Variants in PALB2 observed in about 807,000 individuals in gnomAD.
PALB2 encodes mutant partner and localizer of BRCA2.
PALB2 carries 82 observed loss-of-function variants against 107.4 expected under a neutral mutation model. The observed-to-expected ratio is 0.76, with a 90% CI of 0.64 to 0.92. The LOEUF is 0.92. Among genes scored for constraint, PALB2 ranks in the 40% least tolerant of loss-of-function variants. The pLI is 0.00. For missense variants in PALB2, 1,374 were observed against 1,379.9 expected, an observed-to-expected ratio of 1.00 and a Z score of 0.07; for synonymous variants, 489 against 496.8, an observed-to-expected ratio of 0.98 and a Z score of 0.21.
rs1567224137 is a variant in PALB2 at position 23,638,065 on chromosome 16, C to T, written c.108+5G>A. 6.2e-7 allele frequency: 1 copy of T among 1,613,500 alleles called. No individual in the cohort carries two copies. The highest frequency in any genetic ancestry group is 8.5e-7 in the Non-Finnish European group (1 of 1,179,398). ...CACCTTAATTTGAGAATACGATTCA[C>T]TTACCTGAAGGCGGGCTAGTGTCTT... is the stretch of plus-strand genomic sequence containing the variant. On this transcript the variant is annotated splice_donor_5th_base_variant and intron_variant, in intron 2 of 12. Transcript: ENST00000261584.
intron 11 of PALB2, among the ~76,000 whole-genome samples, chr16:23,611,090 A>G (rs1001566453): frequency 2.1e-5 from 3 of 143,632 alleles, no homozygotes; most frequent in Non-Finnish European, 4.5e-5. Context: ...CTATCTATCT[A>G]TCTATCTATC....
rs753204710 is a variant in PALB2 at position 23,629,729 on chromosome 16, T to C, written c.2425A>G (p.Thr809Ala). ...GTGAATGACTCAATGGGTGGAGGTG[T>C]TCCTGGCGGGACAGAGTCACAGTCA... ...TCDCDSVPPGTPPPIESFTFK... is the reference protein window; with the variant it reads ...TCDCDSVPPGAPPPIESFTFK... Residue 809 changes from threonine to alanine, a missense_variant, in exon 5 of 13, where the codon ACA becomes GCA. Transcript: ENST00000261584. 1 of 1,614,230 alleles carries C rather than the reference T, an allele frequency of 6.2e-7. No homozygotes were observed. Among genetic ancestry groups the C allele is most frequent in the Non-Finnish European group, 8.5e-7 (1 of 1,180,046 alleles).
chr16:23,623,504 T>C (rs1428782800), intron 8 of PALB2, among the ~76,000 whole-genome samples: 2 of 64,322 alleles, frequency 3.1e-5, no homozygotes, highest in South Asian at 6.4e-4. Context: ...ACCCGGCCTT[T>C]TTTTTTTTTT....
chr16:23,609,797 T>G (rs1436339148), intron 11 of PALB2, among the ~76,000 whole-genome samples: 1 of 152,100 alleles, frequency 6.6e-6, no homozygotes, highest in Non-Finnish European at 1.5e-5. Flanking sequence ...ATTACAGGCG[T>G]GAGCCACCGC....
chr16:23,607,039 G>T (rs1966489633), intron 12 of PALB2, among the ~76,000 whole-genome samples: 2 of 151,874 alleles, frequency 1.3e-5, no homozygotes, highest in African/African-American at 4.8e-5. Flanking sequence ...GTGAACTCCT[G>T]ACCTCATGAT....
intron 10 of PALB2, among the ~76,000 whole-genome samples, chr16:23,619,451 G>A (rs952030449): frequency 3.0e-4 from 46 of 151,908 alleles, no homozygotes; most frequent in African/African-American, 1.1e-3. Context: ...AGGTTCCAGC[G>A]ATTCTCCTGC....
In PALB2 at chr16:23,635,659, AT is replaced by A. The variant is rs587776408; in HGVS notation, c.886del (p.Met296Ter). ...AAGGAGGTTATCTGTAGAGACAGTC[AT>A]TTTTTTGCCTTGTGCCTCCAAACTT... ...PVSLEAQGKKMTVSTDNLLVN... is the reference protein window; with the variant it reads ...PVSLEAQGKKXTVSTDNLLVN... On this transcript the variant is annotated frameshift_variant, in exon 4 of 13. Coordinates refer to ENST00000261584, the MANE Select transcript of PALB2 (RefSeq NM_024675.4). LOFTEE classifies it high-confidence loss of function. The A allele has an allele frequency of 2.5e-6, 4 of 1,613,998 alleles. No homozygotes were observed. Among genetic ancestry groups the A allele is most frequent in the Non-Finnish European group, 3.4e-6 (4 of 1,179,946 alleles).
chr16:23,628,388 G>T (rs750740844), intron 6 of PALB2, among the ~76,000 whole-genome samples: 3 of 152,156 alleles, frequency 2.0e-5, no homozygotes, highest in Non-Finnish European at 4.4e-5. Context: ...ACTTTATGTG[G>T]ATTTGAAGTG....
intron 6 of PALB2, among the ~76,000 whole-genome samples, chr16:23,626,862 C>T (rs916373569): frequency 6.6e-6 from 1 of 151,988 alleles, no homozygotes; most frequent in Non-Finnish European, 1.5e-5. Flanking sequence ...CTCAAGTGAT[C>T]CACCCACCTC....
At chr16:23,624,382 AT>A (rs1966831605) in intron 7 of PALB2, among the ~76,000 whole-genome samples, 1 of 152,248 alleles carries the variant, frequency 6.6e-6, no homozygotes, top group Non-Finnish European at 1.5e-5. Context: ...TTATGCAGCC[AT>A]TTAAAAGTAT....
intron 1 of PALB2, among the ~76,000 whole-genome samples, chr16:23,639,222 C>CT (rs1187876072): frequency 5.3e-5 from 8 of 151,956 alleles, no homozygotes; most frequent in Non-Finnish European, 1.0e-4. Context: ...CCATACATGC[C>CT]TTTTTTAAAA....
chr16:23,624,232 C>G (rs1018244137), intron 7 of PALB2, 138 bp from the exon 8 acceptor site: 1 of 675,534 alleles, frequency 1.5e-6, no homozygotes, highest in Non-Finnish European at 2.7e-6. Context: ...TCAGAAAACT[C>G]TTTTTATTAG....
intron 4 of PALB2, among the ~76,000 whole-genome samples, chr16:23,632,783 A>G (rs1286066403): frequency 6.6e-6 from 1 of 152,220 alleles, no homozygotes; most frequent in African/African-American, 2.4e-5. Flanking sequence ...GCAGTTTACT[A>G]CAATTATAGC....
chr16:23,618,865 G>A (rs1966726534), intron 10 of PALB2, among the ~76,000 whole-genome samples: 1 of 152,152 alleles, frequency 6.6e-6, no homozygotes, highest in Non-Finnish European at 1.5e-5. Context: ...AAACCCTGGT[G>A]AAAGTGCTCC....
chr16:23,631,907 C>T (rs145412221), intron 4 of PALB2, among the ~76,000 whole-genome samples: 4,490 of 152,140 alleles, frequency 0.03, 108 homozygotes, highest in Middle Eastern at 0.061. Flanking sequence ...AGTGCAGTGG[C>T]GAGATCTTGG....
intron 7 of PALB2, among the ~76,000 whole-genome samples, chr16:23,624,821 T>G (rs538110666): frequency 6.6e-6 from 1 of 152,244 alleles, no homozygotes; most frequent in African/African-American, 2.4e-5. Context: ...AGAAAAATGT[T>G]TATATGTATG....
chr16:23,609,580 C>T (rs572611505), intron 11 of PALB2, among the ~76,000 whole-genome samples: 32 of 151,982 alleles, frequency 2.1e-4, no homozygotes, highest in Middle Eastern at 3.4e-3. Flanking sequence ...TGCAGTGGTG[C>T]GATGTCTGCT....
intron 1 of PALB2, 169 bp downstream of exon 1, chr16:23,640,941 G>A: frequency 2.8e-6 from 2 of 715,546 alleles, no homozygotes; most frequent in Non-Finnish European, 4.7e-6. Flanking sequence ...CACCACGTGA[G>A]CACCACGCTA....
chr16:23,615,222 T>A (rs1323245737), intron 10 of PALB2, among the ~76,000 whole-genome samples: 6 of 151,990 alleles, frequency 3.9e-5, no homozygotes, highest in Non-Finnish European at 7.4e-5. Flanking sequence ...GTGCTGGGAT[T>A]ACAGGCACGA....
Sources: gnomAD v4.1 joint callset for allele counts (sites outside exome capture counted in the v4.1 genomes callset) on GRCh38, gnomAD v4.1.1 for gene constraint, MANE v1.5 for transcripts, NCBI Gene and HGNC (gene_info 2026-07-23, HGNC 2026-07-21) for gene names.